Variants in METAP1D observed in about 807,000 individuals in gnomAD.
METAP1D encodes methionine aminopeptidase 1D, mitochondrial.
Under a neutral mutation model 40.5 loss-of-function variants are expected in METAP1D, and 31 were observed. That is an observed-to-expected ratio of 0.77 (90% CI 0.58 to 1.03). The LOEUF is 1.03. METAP1D is among the 50% of genes least tolerant of loss of function. The pLI is 0.00. For synonymous variants in METAP1D, 151 were observed against 146.4 expected (o/e 1.03, Z -0.22); for missense variants, 411 against 420.7 (o/e 0.98, Z 0.20).
Position 172,061,668 on chromosome 2 carries a change from C to T in METAP1D, c.198+13C>T, listed in dbSNP as rs182090109. The T allele has an allele frequency of 7.7e-3, 12,061 of 1,567,360 alleles. 64 individuals are homozygous for T. The highest frequency in any genetic ancestry group is 0.011 in the South Asian group (886 of 83,278). On this transcript the variant is annotated intron_variant, in intron 2 of 9. Coordinates refer to ENST00000315796, the MANE Select transcript of METAP1D (RefSeq NM_199227.3). ...TCCGGTTCCTAAGGTACTGTATTGC[C>T]TATTATCTCCTGCTTTTTCCAGCCA...
At chr2:172,024,744 T>G (rs1053601001) in intron 1 of METAP1D, among the ~76,000 whole-genome samples, 6 of 77,282 alleles carry the variant, frequency 7.8e-5, no homozygotes, top group South Asian at 4.6e-4. Context: ...TAAAGACATA[T>G]AGATTGTGTG....
chr2:172,077,573 A>G (rs1319650442), intron 6 of METAP1D, among the ~76,000 whole-genome samples: 3 of 152,238 alleles, frequency 2.0e-5, no homozygotes, highest in Non-Finnish European at 4.4e-5. Flanking sequence ...TGTGTTGGAT[A>G]GATATGTACC....
intron 5 of METAP1D, among the ~76,000 whole-genome samples, chr2:172,069,605 C>A (rs1415359537): frequency 6.6e-6 from 1 of 152,064 alleles, no homozygotes; most frequent in East Asian, 1.9e-4. Context: ...TGAAATACTG[C>A]CAAGTGTATA....
rs1690103848 is a variant in METAP1D, at chr2:172,060,106, G to A, written c.41-1392G>A. ...AAAAAAGATTGTTCTAAATATGAAA[G>A]TAATAAAATGAATCAAAATGTCTTC... On this transcript the variant is annotated intron_variant, in intron 1 of 9. Transcript: ENST00000315796. Among the ~76,000 whole-genome samples the A allele has an allele frequency of 2.0e-5, 3 of 148,714 alleles. No homozygotes were observed. In the South Asian group the frequency reaches 6.5e-4, roughly 32 times the overall value.
chr2:172,056,908 C>A (rs554211748), intron 1 of METAP1D, among the ~76,000 whole-genome samples: 80 of 152,188 alleles, frequency 5.3e-4, no homozygotes, highest in Non-Finnish European at 1.1e-3. Context: ...TAAGAATTTT[C>A]ATGAAAAGTG....
intron 1 of METAP1D, among the ~76,000 whole-genome samples, chr2:172,046,080 A>G (rs1689760033): frequency 6.8e-6 from 1 of 147,916 alleles, no homozygotes; most frequent in South Asian, 2.2e-4. Flanking sequence ...TATCTCAGAA[A>G]TCTCTTTCTG....
At chr2:172,016,248 C>T (rs1381980350) in intron 1 of METAP1D, among the ~76,000 whole-genome samples, 1 of 113,222 alleles carries the variant, frequency 8.8e-6, no homozygotes, top group African/African-American at 3.5e-5. Flanking sequence ...TGCACTCCAG[C>T]CTGGGTGACA....
intron 3 of METAP1D, 166 bp downstream of exon 3, chr2:172,064,026 G>T: frequency 1.2e-6 from 1 of 809,686 alleles, no homozygotes; most frequent in Admixed American, 4.1e-5. Context: ...CTTGGGATGG[G>T]GAAAAGGAAT....
At chr2:172,034,986 C>CTTTTTTTTTTTTTTTTTTTTTTTTT (rs66853451) in intron 1 of METAP1D, among the ~76,000 whole-genome samples, 3 of 135,578 alleles carry the variant, frequency 2.2e-5, no homozygotes, top group Admixed American at 7.3e-5. Context: ...GAATTTTTTT[C>CTTTTTTTTTTTTTTTTTTTTTTTTT]TTTTTTTTTT....
At chr2:172,010,461 T>A (rs1476528919) in intron 1 of METAP1D, among the ~76,000 whole-genome samples, 1 of 140,768 alleles carries the variant, frequency 7.1e-6, no homozygotes, top group East Asian at 2.0e-4. Context: ...TTTTTTTTTT[T>A]AACAACTTTT....
At chr2:172,062,590 G>C (rs1690163964) in intron 2 of METAP1D, among the ~76,000 whole-genome samples, 1 of 152,208 alleles carries the variant, frequency 6.6e-6, no homozygotes, top group Middle Eastern at 3.2e-3. Context: ...CCAGATCACA[G>C]AGCAGAGTGG....
chr2:172,076,190 A>G (rs1392902100), intron 6 of METAP1D, among the ~76,000 whole-genome samples: 1 of 151,992 alleles, frequency 6.6e-6, no homozygotes, highest in Admixed American at 6.6e-5. Context: ...AAAAACAAAA[A>G]AAAAAGAACC....
At chr2:172,061,052 G>A (rs1284769814) in intron 1 of METAP1D, among the ~76,000 whole-genome samples, 2 of 152,156 alleles carry the variant, frequency 1.3e-5, no homozygotes, top group Non-Finnish European at 1.5e-5. Flanking sequence ...TTAACACAGA[G>A]TAGTAATCCT....
At position 172,080,321 on chromosome 2, in the gene METAP1D, G is replaced by GT. The variant is rs758758719; in HGVS notation, c.930-5dup. 4 of 1,614,036 alleles carry GT rather than the reference G, an allele frequency of 2.5e-6. No homozygotes were observed. The African/African-American group carries it at 4.0e-5, about 16-fold the overall frequency. ...GCGCGTTCTGACGGCTGGGTGCTGT[G>GT]TTACAGGTCGGCGCAGTTCGAGCAC... On this transcript the variant is annotated splice_polypyrimidine_tract_variant and splice_region_variant and intron_variant, in intron 9 of 9. Transcript: ENST00000315796.
intron 6 of METAP1D, among the ~76,000 whole-genome samples, chr2:172,076,667 G>T (rs1269798917): frequency 6.6e-6 from 1 of 152,212 alleles, no homozygotes; most frequent in Non-Finnish European, 1.5e-5. Flanking sequence ...TCTGGGGATG[G>T]TTAAAATTAT....
intron 2 of METAP1D, 36 bp from the exon 3 acceptor site, chr2:172,063,675 G>A (rs773254710): frequency 1.3e-6 from 2 of 1,523,802 alleles, no homozygotes; most frequent in South Asian, 2.3e-5. Flanking sequence ...TCGTGCGCTG[G>A]GTTCTGATCT....
At chr2:172,011,221 A>C (rs1688713341) in intron 1 of METAP1D, among the ~76,000 whole-genome samples, 1 of 151,402 alleles carries the variant, frequency 6.6e-6, no homozygotes, top group Non-Finnish European at 1.5e-5. Context: ...CCTCTTACCC[A>C]TTAGCAGTCA....
At chr2:172,025,234 G>A (rs577374916) in intron 1 of METAP1D, among the ~76,000 whole-genome samples, 1 of 152,334 alleles carries the variant, frequency 6.6e-6, no homozygotes, top group South Asian at 2.1e-4. Context: ...TGATACTGAT[G>A]CAATTATTGG....
rs56305701 is a variant in METAP1D, at chr2:172,045,836, T to C, written c.41-15662T>C. On this transcript the variant is annotated intron_variant, in intron 1 of 9. Coordinates refer to ENST00000315796, the MANE Select transcript of METAP1D (RefSeq NM_199227.3). ...GTGTGTGTGTATATATATATATATA[T>C]ATATATATATATATATATATATATA... Among the ~76,000 whole-genome samples the C allele has an allele frequency of 2.5e-3, 223 of 87,706 alleles. 9 individuals are homozygous for C. The East Asian group carries it at 0.079, about 31-fold the overall frequency. 57.5% of individuals were successfully genotyped at this position (87,706 alleles called of 152,430 possible).
Sources: allele counts gnomAD v4.1 joint callset (sites outside exome capture counted in the v4.1 genomes callset), GRCh38; gene constraint gnomAD v4.1.1; transcripts MANE v1.5; gene names NCBI Gene and HGNC (gene_info 2026-07-23, HGNC 2026-07-21).